The following CLSTN2 variants were observed in gnomAD, a reference collection of about 807,000 sequenced individuals.
CLSTN2 encodes the protein calsyntenin-2.
Under a neutral mutation model 101.2 loss-of-function variants are expected in CLSTN2, and 48 were observed. That is an observed-to-expected ratio of 0.47 (90% CI 0.38 to 0.60). The LOEUF is 0.60. CLSTN2 is among the 20% of genes least tolerant of loss of function. CLSTN2 has a pLI of 0.00. For missense variants in CLSTN2, 1,160 were observed against 1,238.2 expected (o/e 0.94, Z 0.95); for synonymous variants, 481 against 463.6 (o/e 1.04, Z -0.48).
At chr3:140,024,174 C>T (rs918224019) in intron 1 of CLSTN2, among the ~76,000 whole-genome samples, 4 of 152,200 alleles carry the variant, frequency 2.6e-5, no homozygotes, top group African/African-American at 9.6e-5. Context: ...ATGTAAAGAC[C>T]TTACCACACT....
intron 2 of CLSTN2, among the ~76,000 whole-genome samples, chr3:140,374,316 TCTC>T (rs1398072620): frequency 6.6e-6 from 1 of 152,154 alleles, no homozygotes; most frequent in Non-Finnish European, 1.5e-5. Context: ...TCTTCTTCCT[TCTC>T]CTCCTCCTCT....
chr3:140,092,064 C>A (rs1254365378), intron 1 of CLSTN2, among the ~76,000 whole-genome samples: 1 of 152,166 alleles, frequency 6.6e-6, no homozygotes, highest in Non-Finnish European at 1.5e-5. Context: ...TCAGCCCCAC[C>A]CTCTAAGTCT....
chr3:140,265,306 G>C (rs974868992), intron 2 of CLSTN2, among the ~76,000 whole-genome samples: 7 of 152,148 alleles, frequency 4.6e-5, no homozygotes, highest in African/African-American at 9.7e-5. Context: ...CAATGCACAG[G>C]GGGGCTGAGA....
chr3:140,166,194 G>A (rs1025050748), intron 1 of CLSTN2, among the ~76,000 whole-genome samples: 1 of 152,124 alleles, frequency 6.6e-6, no homozygotes, highest in Non-Finnish European at 1.5e-5. Flanking sequence ...ATTGCCAAAT[G>A]AGCTCTAGTT....
At chr3:140,140,863 C>T (rs1320717347) in intron 1 of CLSTN2, among the ~76,000 whole-genome samples, 1 of 152,190 alleles carries the variant, frequency 6.6e-6, no homozygotes, top group Non-Finnish European at 1.5e-5. Flanking sequence ...CTGCTATATT[C>T]CCAGCCATGT....
chr3:140,125,316 A>G (rs1363147638), intron 1 of CLSTN2, among the ~76,000 whole-genome samples: 2 of 152,094 alleles, frequency 1.3e-5, no homozygotes, highest in Non-Finnish European at 2.9e-5. Context: ...ATTGTTGACC[A>G]TTCAGGACAG....
chr3:140,347,119 A>T (rs548487032), intron 2 of CLSTN2, among the ~76,000 whole-genome samples: 1 of 152,226 alleles, frequency 6.6e-6, no homozygotes, highest in Non-Finnish European at 1.5e-5. Flanking sequence ...AGTCATACAC[A>T]CATTTTGAAC....
intron 2 of CLSTN2, among the ~76,000 whole-genome samples, chr3:140,280,655 G>A (rs1410342028): frequency 6.6e-6 from 1 of 152,188 alleles, no homozygotes; most frequent in African/African-American, 2.4e-5. Flanking sequence ...TAGAACTAGA[G>A]CTTCTTACAG....
intron 2 of CLSTN2, among the ~76,000 whole-genome samples, chr3:140,293,906 TG>T (rs1160531561): frequency 6.6e-6 from 1 of 152,184 alleles, no homozygotes; most frequent in Non-Finnish European, 1.5e-5. Context: ...TCCTAAGTTT[TG>T]TGAAGGCTCT....
intron 15 of CLSTN2, 56 bp from the exon 16 acceptor site, chr3:140,563,905 C>T (rs1283968236): frequency 1.3e-6 from 2 of 1,562,712 alleles, no homozygotes; most frequent in Non-Finnish European, 1.8e-6. Flanking sequence ...TGCTCCCTCA[C>T]AAGAATGAGC....
chr3:140,466,058 A>C (rs958750363), intron 7 of CLSTN2, among the ~76,000 whole-genome samples: 1 of 152,150 alleles, frequency 6.6e-6, no homozygotes, highest in Non-Finnish European at 1.5e-5. Flanking sequence ...AACTATCTCT[A>C]ATGCTGGAAA....
chr3:140,438,376 C>T (rs2088709198), intron 5 of CLSTN2, among the ~76,000 whole-genome samples: 1 of 120,994 alleles, frequency 8.3e-6, no homozygotes, highest in African/African-American at 3.2e-5. Context: ...GACTCTTGTT[C>T]AGCGAAATGG....
Position 140,567,194 on chromosome 3 carries a change from C to G in CLSTN2, c.*941C>G, listed in dbSNP as rs1378844314. On this transcript the variant is annotated 3_prime_UTR_variant, in exon 17 of 17. Transcript: ENST00000458420. ...TGCTAATGAGGTCAAACGTAGGCTT[C>G]ATGGTGGGTGGAGTGGGGGTGGCTG... 1 of 152,382 alleles carries G rather than the reference C, an allele frequency of 6.6e-6. No individual in the cohort carries two copies. Among genetic ancestry groups the G allele is most frequent in the Non-Finnish European group, 1.5e-5 (1 of 68,162 alleles). 9.4% of individuals were successfully genotyped at this position (152,382 alleles called of 1,614,324 possible).
At chr3:140,448,888 G>T (rs977134748) in intron 6 of CLSTN2, among the ~76,000 whole-genome samples, 184 bp downstream of exon 6, 3 of 152,186 alleles carry the variant, frequency 2.0e-5, no homozygotes, top group African/African-American at 7.2e-5. Context: ...TTTGGCAGTA[G>T]ACTCCTGACT....
Position 140,567,166 on chromosome 3 carries a change from A to T in CLSTN2, c.*913A>T, listed in dbSNP as rs899910447. ...AAGCCTAGAGCCAGAAAGCAGATGG[A>T]AATGCTAATGAGGTCAAACGTAGGC... is the stretch of plus-strand genomic sequence containing the variant. On this transcript the variant is annotated 3_prime_UTR_variant, in exon 17 of 17. Transcript: ENST00000458420. 2.0e-5 allele frequency: 3 copies of T among 152,514 alleles called. No homozygotes were observed. The highest frequency in any genetic ancestry group is 1.3e-4 in the Admixed American group (2 of 15,288). The allele number at this position is 152,514 out of a possible 1,614,324, so 9.4% of individuals were successfully genotyped here.
intron 2 of CLSTN2, among the ~76,000 whole-genome samples, chr3:140,237,075 T>C (rs2086425212): frequency 6.6e-6 from 1 of 152,220 alleles, no homozygotes; most frequent in South Asian, 2.1e-4. Context: ...TATTGGATTC[T>C]GGACATAGTG....
chr3:140,285,687 C>T (rs1019992264), intron 2 of CLSTN2, among the ~76,000 whole-genome samples: 7 of 152,218 alleles, frequency 4.6e-5, no homozygotes, highest in African/African-American at 1.7e-4. Context: ...ATTTGCATTT[C>T]TAACAAGTTC....
chr3:140,342,554 C>A lies in CLSTN2; in HGVS notation c.233-61075C>A, dbSNP rs553858007. Among the ~76,000 whole-genome samples the A allele has an allele frequency of 1.1e-4, 17 of 152,258 alleles. No homozygotes were observed. The South Asian group carries it at 3.5e-3, about 32-fold the overall frequency. On this transcript the variant is annotated intron_variant, in intron 2 of 16. Transcript: ENST00000458420. ...GAAGACTAGGGAGACAGCCCCCTCT[C>A]ATGTTCCTATTCCAGTTATCTATTG...
rs567859253 is a variant in CLSTN2, at chr3:140,035,875, A to G, written c.109+100392A>G. Among the ~76,000 whole-genome samples, 30 of 152,226 alleles carry G rather than the reference A, an allele frequency of 2.0e-4. 1 individual carries two copies. Among genetic ancestry groups the G allele is most frequent in the African/African-American group, 5.5e-4 (23 of 41,522 alleles). ...GTATTTGTTTTCTTTTTGTCCTTGAAAAGTGCTACCTTTGGAGCTCTTTTC... is the reference window on the plus strand; with the variant it reads ...GTATTTGTTTTCTTTTTGTCCTTGAGAAGTGCTACCTTTGGAGCTCTTTTC... On this transcript the variant is annotated intron_variant, in intron 1 of 16. Transcript: ENST00000458420.
Sources: allele counts gnomAD v4.1 joint callset (sites outside exome capture counted in the v4.1 genomes callset), GRCh38; gene constraint gnomAD v4.1.1; transcripts MANE v1.5; gene names NCBI Gene and HGNC (gene_info 2026-07-23, HGNC 2026-07-21).